ATP2C2: variants seen among roughly 807,000 people sequenced by gnomAD.
ATP2C2 encodes the protein calcium-transporting ATPase type 2C member 2.
ATP2C2 carries 171 observed loss-of-function variants against 110.8 expected under a neutral mutation model. The ratio of observed to expected loss-of-function variants is 1.54; its 90% CI spans 1.36 to 1.75. ATP2C2 has a LOEUF of 1.75. ATP2C2 is among the 40% of genes most tolerant of loss of function. The pLI is 0.00. For missense variants in ATP2C2, 1,963 were observed against 1,235.0 expected (o/e 1.59, Z -8.84); for synonymous variants, 804 against 508.4 (o/e 1.58, Z -7.82).
At chr16:84,452,999 C>G (rs1252001714) in intron 18 of ATP2C2, 139 bp from the exon 19 acceptor site, 2 of 800,366 alleles carry the variant, frequency 2.5e-6, no homozygotes, top group Non-Finnish European at 3.9e-6. Flanking sequence ...GAACCGAGGC[C>G]GTGCAGCATG....
chr16:84,415,815 A>T (rs1024104468), intron 7 of ATP2C2, among the ~76,000 whole-genome samples: 10 of 152,292 alleles, frequency 6.6e-5, no homozygotes, highest in African/African-American at 2.4e-4. Context: ...AAGCCTGACA[A>T]CCTTTGGCTA....
At chr16:84,461,018 TAC>T in intron 24 of ATP2C2, 1 of 611,292 alleles carries the variant, frequency 1.6e-6, no homozygotes, top group African/African-American at 1.8e-5. Flanking sequence ...GCCTGGGAAC[TAC>T]AGAGGCCAGC....
chr16:84,375,314 C>G (rs4782940), intron 1 of ATP2C2, among the ~76,000 whole-genome samples: 151,331 of 152,336 alleles, frequency 0.99, 75,169 homozygotes, highest in Middle Eastern at 1. Context: ...GTCCCAGGTG[C>G]GTGGATCACT....
At chr16:84,451,775 C>A in intron 17 of ATP2C2, 146 bp from the exon 18 acceptor site, 2 of 785,858 alleles carry the variant, frequency 2.5e-6, no homozygotes, top group Admixed American at 2.4e-5. Context: ...GAGGCAGAGG[C>A]TGCAGTGAGC....
Position 84,460,350 on chromosome 16 carries a change from G to T in ATP2C2, c.2334-304G>T, listed in dbSNP as rs1028258646. 4.6e-5 allele frequency: 20 copies of T among 430,486 alleles called. No individual in the cohort carries two copies. In the East Asian group the frequency reaches 5.3e-4, roughly 11 times the overall value. The allele number at this position is 430,486 out of a possible 1,614,324, so 26.7% of individuals were successfully genotyped here. The stretch of plus-strand genomic sequence containing the variant: ...CCTGTTTCTCCAGGCGCAACGTTGG[G>T]GGGGGTCCCCTCGGGGTGATGGAGA... On this transcript the variant is annotated intron_variant, in intron 23 of 26. Transcript: ENST00000262429.
intron 17 of ATP2C2, 72 bp downstream of exon 17, chr16:84,448,761 G>T (rs1000689125): frequency 8.7e-5 from 133 of 1,535,300 alleles, no homozygotes; most frequent in Admixed American, 6.4e-4. Context: ...CATTCAAGCA[G>T]GGTCCCTAGT....
chr16:84,399,522 T>G (rs1010235606), intron 2 of ATP2C2, among the ~76,000 whole-genome samples: 7 of 152,248 alleles, frequency 4.6e-5, no homozygotes, highest in African/African-American at 1.7e-4. Flanking sequence ...TTTCCTTCCA[T>G]TATGACTGAC....
At chr16:84,369,548 C>T (rs1909831219) in intron 1 of ATP2C2, among the ~76,000 whole-genome samples, 1 of 150,888 alleles carries the variant, frequency 6.6e-6, no homozygotes, top group Non-Finnish European at 1.5e-5. Flanking sequence ...TCAAAAGTAA[C>T]ATTTCTGAAC....
Position 84,452,025 on chromosome 16 carries a change from C to A in ATP2C2, c.1765C>A (p.Leu589Ile). ...TGGCGTGAAGGAAGCAGTCCAGGTT[C>A]TCTCCGAGTCTGGTGTGTCTGTGAA... ...RVGVKEAVQV[L>I]SESGVSVKMI... The change falls in exon 18 of 27, where the codon CTC becomes ATC. Residue 589 changes from leucine to isoleucine, a missense_variant. Physicochemically the swap from Leu to Ile is conservative, Grantham distance 5 (BLOSUM62 2). Transcript: ENST00000262429. The A allele has an allele frequency of 6.2e-7, 1 of 1,613,612 alleles. No individual in the cohort carries two copies.
At chr16:84,388,933 G>A (rs202022486) in intron 1 of ATP2C2, among the ~76,000 whole-genome samples, 61 of 152,028 alleles carry the variant, frequency 4.0e-4, no homozygotes, top group South Asian at 2.1e-3. Flanking sequence ...CACCATGCTC[G>A]GCTAATTTTT....
chr16:84,460,480 T>A (rs1335913374), intron 23 of ATP2C2, 174 bp from the exon 24 acceptor site: 4 of 863,470 alleles, frequency 4.6e-6, no homozygotes, highest in African/African-American at 1.7e-5. Flanking sequence ...ACCCAGGCTC[T>A]GGGGCTTCTG....
intron 6 of ATP2C2, among the ~76,000 whole-genome samples, chr16:84,413,430 C>G (rs1906566126): frequency 6.6e-6 from 1 of 152,150 alleles, no homozygotes. Flanking sequence ...ACCCACATCA[C>G]AGAGGGTGAG....
intron 16 of ATP2C2, 62 bp from the exon 17 acceptor site, chr16:84,448,471 G>A: frequency 1.3e-6 from 2 of 1,536,858 alleles, no homozygotes; most frequent in Non-Finnish European, 1.8e-6. Flanking sequence ...AGAGTGGGGT[G>A]ATGGTCAGTA....
At chr16:84,438,860 A>T (rs1908980248) in intron 11 of ATP2C2, among the ~76,000 whole-genome samples, 1 of 152,202 alleles carries the variant, frequency 6.6e-6, no homozygotes, top group Non-Finnish European at 1.5e-5. Flanking sequence ...TCTCTAATAA[A>T]TGAGAATAAT....
chr16:84,458,704 C>A (rs1424360230), intron 21 of ATP2C2, among the ~76,000 whole-genome samples: 2 of 152,230 alleles, frequency 1.3e-5, no homozygotes, highest in Admixed American at 6.5e-5. Flanking sequence ...CCCCATCCCT[C>A]CCTCCTTACC....
chr16:84,394,196 C>T (rs1272700475), intron 1 of ATP2C2, among the ~76,000 whole-genome samples: 2 of 151,898 alleles, frequency 1.3e-5, no homozygotes, highest in Non-Finnish European at 2.9e-5. Flanking sequence ...AAACGAAAAA[C>T]AAAATTCTTA....
intron 1 of ATP2C2, among the ~76,000 whole-genome samples, chr16:84,387,605 G>C (rs1335458543): frequency 6.6e-6 from 1 of 152,204 alleles, no homozygotes; most frequent in South Asian, 2.1e-4. Context: ...AGCGTACTTA[G>C]AATACTATAG....
At chr16:84,433,633 C>T (rs1208566684) in intron 11 of ATP2C2, among the ~76,000 whole-genome samples, 2 of 151,882 alleles carry the variant, frequency 1.3e-5, no homozygotes, top group African/African-American at 2.4e-5. Context: ...GCCTAGGGAA[C>T]AGAGCAAGAC....
Position 84,463,954 on chromosome 16 carries a change from C to T in ATP2C2, c.*222C>T, listed in dbSNP as rs555909992. On this transcript the variant is annotated 3_prime_UTR_variant, in exon 27 of 27. Coordinates refer to ENST00000262429, the MANE Select transcript of ATP2C2 (RefSeq NM_014861.4). The stretch of plus-strand genomic sequence containing the variant: ...GGCTGTGGGACAGACAGGGAGGGGC[C>T]TGTACAGAAACACCACACTGTTTAT... The T allele has an allele frequency of 4.5e-4, 239 of 532,466 alleles. 6 individuals carry two copies. The Admixed American group carries it at 7.6e-3, about 17-fold the overall frequency. 33.0% of individuals were successfully genotyped at this position (532,466 alleles called of 1,614,324 possible). A position where few individuals can be genotyped will look rare whatever the true frequency, so the allele number is the denominator to read the frequency against.
Sources: gnomAD v4.1 joint callset for allele counts (sites outside exome capture counted in the v4.1 genomes callset) on GRCh38, gnomAD v4.1.1 for gene constraint, MANE v1.5 for transcripts, NCBI Gene and HGNC (gene_info 2026-07-23, HGNC 2026-07-21) for gene names.